The following THAP6 variants were observed in gnomAD, a reference collection of about 807,000 sequenced individuals.
THAP6 encodes the protein THAP domain-containing protein 6.
Under a neutral mutation model 20.0 loss-of-function variants are expected in THAP6, and 13 were observed. That is an observed-to-expected ratio of 0.65 (90% CI 0.42 to 1.03). The LOEUF (loss-of-function observed/expected upper bound fraction) is 1.03, where lower values mean the gene tolerates loss of function less well. Ranked by LOEUF, THAP6 falls within the 50% of genes least tolerant of loss-of-function variation. THAP6 has a pLI of 0.00. For missense variants in THAP6, 262 were observed against 261.6 expected (o/e 1.00, Z -0.01); for synonymous variants, 93 against 92.2 (o/e 1.01, Z -0.05).
intron 3 of THAP6, among the ~76,000 whole-genome samples, chr4:75,520,845 G>A (rs1725976178): frequency 6.6e-6 from 1 of 152,160 alleles, no homozygotes; most frequent in Non-Finnish European, 1.5e-5. Context: ...TGCTAAAATT[G>A]ATAGGCAAAA....
chr4:75,530,357 T>C (rs1400416122), downstream of THAP6, among the ~76,000 whole-genome samples: 1 of 152,228 alleles, frequency 6.6e-6, no homozygotes, highest in Non-Finnish European at 1.5e-5. Flanking sequence ...TAGTGGAACA[T>C]ACAGGTTGTA....
At chr4:75,515,022 A>G (rs890917050) in intron 1 of THAP6, 1 of 175,830 alleles carries the variant, frequency 5.7e-6, no homozygotes, top group Non-Finnish European at 1.3e-5. Flanking sequence ...AGTGCTAGGA[A>G]GAAGTGTGTG....
chr4:75,517,175 A>C, intron 3 of THAP6, 196 bp downstream of exon 3: 1 of 485,726 alleles, frequency 2.1e-6, no homozygotes. Flanking sequence ...CTGCCACCAC[A>C]CCTGGCTAAT....
In THAP6 at chr4:75,516,984, G is replaced by C. The variant is rs1350827314; in HGVS notation, c.288+5G>C. 2.6e-6 allele frequency: 3 copies of C among 1,144,302 alleles called. No individual in the cohort carries two copies. Among genetic ancestry groups the C allele is most frequent in the Non-Finnish European group, 3.8e-6 (3 of 796,114 alleles). 70.9% of individuals were successfully genotyped at this position (1,144,302 alleles called of 1,614,324 possible). On this transcript the variant is annotated splice_donor_5th_base_variant and intron_variant, in intron 3 of 4. Coordinates refer to ENST00000311638, the MANE Select transcript of THAP6 (RefSeq NM_144721.6). ...GATTCTCCATATCACCTACAGGTTT[G>C]TTTATGAGATACTGTTTACCATCAT...
At chr4:75,544,693 G>GTA (rs1727087406) in intron 3 of THAP6, 1 of 151,784 alleles carries the variant, frequency 6.6e-6, no homozygotes, top group Non-Finnish European at 1.5e-5. Flanking sequence ...TTAGACAAAG[G>GTA]TATATATCAC....
At chr4:75,521,640 G>A in intron 3 of THAP6, 96 bp from the exon 4 acceptor site, 1 of 1,221,696 alleles carries the variant, frequency 8.2e-7, no homozygotes, top group African/African-American at 1.5e-5. Context: ...AAAGAAATGT[G>A]GTATTAACTT....
At chr4:75,517,080 G>A (rs1442408303) in intron 3 of THAP6, 101 bp downstream of exon 3, 8 of 830,822 alleles carry the variant, frequency 9.6e-6, no homozygotes, top group South Asian at 3.7e-5. Flanking sequence ...GTGCAGTGGC[G>A]CGATCTCAGC....
Position 75,527,027 on chromosome 4 carries a change from A to C in THAP6, c.482A>C (p.Glu161Ala), listed in dbSNP as rs199945417. The C allele has an allele frequency of 6.2e-7, 1 of 1,614,146 alleles. No homozygotes were observed. Among genetic ancestry groups the C allele is most frequent in the Non-Finnish European group, 8.5e-7 (1 of 1,180,006 alleles). Residue 161 changes from glutamate to alanine, a missense_variant, in exon 5 of 5, where the codon GAG becomes GCG. Physicochemically the swap from Glu to Ala is moderately radical, Grantham distance 107. Transcript: ENST00000311638. ...LKHKLDHVIGELEDTKESLRN... is the reference protein window; with the variant it reads ...LKHKLDHVIGALEDTKESLRN... Reference sequence around the variant, plus strand: ...CATAAATTAGATCATGTGATCGGCGAGCTAGAGGATACAAAGGAAAGTCTA... The same window carrying C: ...CATAAATTAGATCATGTGATCGGCGCGCTAGAGGATACAAAGGAAAGTCTA...
At chr4:75,537,338 A>G (rs1288599681) in intron 2 of THAP6, among the ~76,000 whole-genome samples, 1 of 152,108 alleles carries the variant, frequency 6.6e-6, no homozygotes, top group Non-Finnish European at 1.5e-5. Flanking sequence ...CATAATTCCC[A>G]TGTGTTGTGG....
intron 2 of THAP6, among the ~76,000 whole-genome samples, chr4:75,538,621 G>A (rs1487241026): frequency 6.6e-6 from 1 of 152,210 alleles, no homozygotes; most frequent in Admixed American, 6.5e-5. Flanking sequence ...AGCCATTGAT[G>A]CCTCTTGTTG....
chr4:75,514,423 CG>C, upstream of THAP6: 1 of 968,858 alleles, frequency 1.0e-6, no homozygotes, highest in Non-Finnish European at 1.5e-6. Flanking sequence ...GCACGTGACC[CG>C]GGGCAGACGG....
intron 4 of THAP6, 140 bp downstream of exon 4, chr4:75,522,001 C>A: frequency 1.9e-6 from 2 of 1,032,050 alleles, no homozygotes; most frequent in South Asian, 4.0e-5. Context: ...TTCCTAGAGT[C>A]ATTGTAATTT....
At chr4:75,522,089 G>T in intron 4 of THAP6, 1 of 453,278 alleles carries the variant, frequency 2.2e-6, no homozygotes, top group Non-Finnish European at 3.8e-6. Context: ...CTTTTGCAAG[G>T]ATATTTCTAC....
chr4:75,535,749 G>A (rs938968365), intron 2 of THAP6, among the ~76,000 whole-genome samples: 2 of 152,082 alleles, frequency 1.3e-5, no homozygotes, highest in Non-Finnish European at 2.9e-5. Flanking sequence ...GGTACTTTTT[G>A]TACCTTTTGC....
At position 75,529,640 on chromosome 4, in the gene THAP6, G is replaced by T. The variant is rs9041; in HGVS notation, c.*2426G>T. The T allele has an allele frequency of 0.61, 602,891 of 985,134 alleles. 185,178 individuals are homozygous for T. The highest frequency in any genetic ancestry group is 0.78 in the African/African-American group (44,465 of 57,244). The allele number at this position is 985,134 out of a possible 1,614,324, so 61.0% of individuals were successfully genotyped here. On this transcript the variant is annotated 3_prime_UTR_variant, in exon 5 of 5. Transcript: ENST00000311638. ...TCCACCCTAGCCCAGGAAAGAACTG[G>T]CCTGTGTAAAGCAAAACCCAAGTCA...
At chr4:75,532,799 T>C (rs1051223145), downstream of THAP6, among the ~76,000 whole-genome samples, 5 of 152,158 alleles carry the variant, frequency 3.3e-5, no homozygotes, top group African/African-American at 4.8e-5. Context: ...GTATGTTGGC[T>C]CCTTTCAGCC....
At chr4:75,522,963 C>T (rs1726124069) in intron 4 of THAP6, among the ~76,000 whole-genome samples, 2 of 152,090 alleles carry the variant, frequency 1.3e-5, no homozygotes, top group Non-Finnish European at 2.9e-5. Context: ...AGGGTGTATA[C>T]CACACCCAGC....
chr4:75,537,859 G>A (rs1726906625), intron 2 of THAP6, among the ~76,000 whole-genome samples: 1 of 152,160 alleles, frequency 6.6e-6, no homozygotes, highest in South Asian at 2.1e-4. Flanking sequence ...TCTAGAAGCT[G>A]GAAAAGGGAA....
chr4:75,516,147 A>G (rs1342464886), intron 2 of THAP6, among the ~76,000 whole-genome samples: 1 of 152,218 alleles, frequency 6.6e-6, no homozygotes, highest in Admixed American at 6.5e-5. Context: ...TTTGTTAGAT[A>G]TAATAAATCA....
Sources: allele counts gnomAD v4.1 joint callset (sites outside exome capture counted in the v4.1 genomes callset), GRCh38; gene constraint gnomAD v4.1.1; transcripts MANE v1.5; gene names NCBI Gene and HGNC (gene_info 2026-07-23, HGNC 2026-07-21).